SMIM35: variants seen among roughly 807,000 people sequenced by gnomAD.
SMIM35 encodes small integral membrane protein 35.
chr11:118,050,464 A>G (rs745943026), intron 1 of SMIM35, among the ~76,000 whole-genome samples: 5 of 152,182 alleles, frequency 3.3e-5, no homozygotes, highest in Non-Finnish European at 7.4e-5. Context: ...ACTGACACCA[A>G]CCATCAGCTG....
chr11:118,019,040 C>A, intron 1 of SMIM35, among the ~76,000 whole-genome samples: 1 of 152,106 alleles, frequency 6.6e-6, no homozygotes. Flanking sequence ...CAAGTAAATA[C>A]CCTCCCAAAT....
In SMIM35 at chr11:118,003,745, A is replaced by G. The variant is rs184013817; in HGVS notation, c.*2665T>C. ...AGCCCTGGGTACAGAGTGGTGAACCAAACAAGTGTGGCTTCATGGAGCCTG... is the reference window on the plus strand; with the variant it reads ...AGCCCTGGGTACAGAGTGGTGAACCGAACAAGTGTGGCTTCATGGAGCCTG... On this transcript the variant is annotated 3_prime_UTR_variant, in exon 5 of 5. Transcript: ENST00000689828. 3.1e-3 allele frequency: 469 copies of G among 152,394 alleles called. 1 individual carries two copies. The highest frequency in any genetic ancestry group is 5.1e-3 in the Non-Finnish European group (344 of 68,050). The allele number at this position is 152,394 out of a possible 1,614,324, so 9.4% of individuals were successfully genotyped here. A position where few individuals can be genotyped will look rare whatever the true frequency, so the allele number is the denominator to read the frequency against.
rs533317756 is a variant in SMIM35, at chr11:118,042,503, G to A, written c.8-26694C>T. ...CACAAGAAAAACCCAAGCCTAATTA[G>A]CTTTCCCACTGATTCTGCCAAACAT... On this transcript the variant is annotated intron_variant, in intron 1 of 4. Transcript: ENST00000689828. Among the ~76,000 whole-genome samples, 3 of 152,278 alleles carry A rather than the reference G, an allele frequency of 2.0e-5. No homozygotes were observed. The East Asian group carries it at 5.8e-4, about 29-fold the overall frequency.
At chr11:118,031,549 T>G (rs1480446273) in intron 1 of SMIM35, among the ~76,000 whole-genome samples, 1 of 152,152 alleles carries the variant, frequency 6.6e-6, no homozygotes, top group Admixed American at 6.5e-5. Context: ...TATCAAAATT[T>G]GATTTGATAT....
chr11:118,076,841 G>A (rs1591316750), intron 1 of SMIM35, among the ~76,000 whole-genome samples: 2 of 152,070 alleles, frequency 1.3e-5, no homozygotes, highest in South Asian at 2.1e-4. Flanking sequence ...GAGGGGGGGC[G>A]GAAACTTCTG....
At chr11:118,029,312 T>C (rs2058299367) in intron 1 of SMIM35, among the ~76,000 whole-genome samples, 1 of 152,130 alleles carries the variant, frequency 6.6e-6, no homozygotes, top group African/African-American at 2.4e-5. Flanking sequence ...AAAAAGTAGC[T>C]AGGCATGGTG....
chr11:118,057,953 A>G (rs1944340704), intron 1 of SMIM35, among the ~76,000 whole-genome samples: 1 of 152,230 alleles, frequency 6.6e-6, no homozygotes, highest in African/African-American at 2.4e-5. Flanking sequence ...TATCGTTCAA[A>G]GTAAACGATG....
intron 1 of SMIM35, among the ~76,000 whole-genome samples, chr11:118,081,655 A>C (rs968112021): frequency 3.3e-5 from 5 of 152,200 alleles, no homozygotes; most frequent in Admixed American, 2.0e-4. Context: ...AATGTCCTGC[A>C]CATCAGTCTG....
At chr11:118,045,348 A>ACACG (rs1944081436) in intron 1 of SMIM35, among the ~76,000 whole-genome samples, 1 of 151,764 alleles carries the variant, frequency 6.6e-6, no homozygotes, top group African/African-American at 2.4e-5. Flanking sequence ...ACACACACAC[A>ACACG]CACACACACA....
chr11:118,076,509 TG>T (rs139188027), intron 1 of SMIM35, among the ~76,000 whole-genome samples: 7,674 of 152,098 alleles, frequency 0.05, 263 homozygotes, highest in East Asian at 0.19. Context: ...CGAGGAGACG[TG>T]GGCTCTAGCC....
intron 1 of SMIM35, chr11:118,028,957 C>A (rs1238310666): frequency 4.9e-6 from 2 of 404,652 alleles, no homozygotes; most frequent in Non-Finnish European, 9.7e-6. Context: ...AGGAGAAATT[C>A]GTGGCTATGT....
intron 1 of SMIM35, among the ~76,000 whole-genome samples, chr11:118,023,014 T>G (rs1224730401): frequency 2.6e-5 from 4 of 151,166 alleles, no homozygotes; most frequent in African/African-American, 9.7e-5. Context: ...CCCAAAAAGG[T>G]CAAACTGCTT....
Position 118,080,400 on chromosome 11 carries a change from G to T in SMIM35, c.7+6351C>A, listed in dbSNP as rs145007720. On this transcript the variant is annotated intron_variant, in intron 1 of 4. Transcript: ENST00000689828. ...CTGGAGCAAAGACTCCGGCACTCCA[G>T]GTCATGGGAGCTGCACCTGCCGAGG... Among the ~76,000 whole-genome samples the T allele has an allele frequency of 1.4e-4, 22 of 152,322 alleles. No individual in the cohort carries two copies. The East Asian group carries it at 1.7e-3, about 12-fold the overall frequency.
At chr11:118,045,497 C>T (rs1944084420) in intron 1 of SMIM35, among the ~76,000 whole-genome samples, 2 of 152,022 alleles carry the variant, frequency 1.3e-5, no homozygotes, top group African/African-American at 4.8e-5. Flanking sequence ...TAAAAAGAGC[C>T]TTTCAAGTTT....
rs138233093 is a variant in SMIM35, at chr11:118,015,044, G to C, written c.125-303C>G. ...CATGTCTCCATCTATAAAAATGAAG[G>C]CTATAATAATGTCTTCCTCATGTGG... On this transcript the variant is annotated intron_variant, in intron 2 of 4. Transcript: ENST00000689828. Among the ~76,000 whole-genome samples the C allele has an allele frequency of 4.0e-3, 614 of 152,230 alleles. 2 individuals are homozygous for C. The highest frequency in any genetic ancestry group is 0.012 in the African/African-American group (515 of 41,522).
At chr11:118,076,283 A>G (rs1944683877) in intron 1 of SMIM35, among the ~76,000 whole-genome samples, 1 of 151,928 alleles carries the variant, frequency 6.6e-6, no homozygotes, top group South Asian at 2.1e-4. Flanking sequence ...AAAATAAAAT[A>G]CAAAAACACA....
chr11:118,085,504 C>T (rs188459534), intron 1 of SMIM35, among the ~76,000 whole-genome samples: 31 of 152,252 alleles, frequency 2.0e-4, no homozygotes, highest in Non-Finnish European at 4.4e-4. Flanking sequence ...ATTTCCCTCC[C>T]TCTTAAAGTT....
chr11:118,053,047 C>T (rs1249806078), intron 1 of SMIM35, among the ~76,000 whole-genome samples: 3 of 152,138 alleles, frequency 2.0e-5, no homozygotes, highest in East Asian at 3.9e-4. Context: ...GGCTCACACC[C>T]GGAATCCCAG....
At chr11:118,032,018 G>C (rs1355336366) in intron 1 of SMIM35, 1 of 151,932 alleles carries the variant, frequency 6.6e-6, no homozygotes, top group Middle Eastern at 3.4e-3. Flanking sequence ...GGTGGTGCGT[G>C]CCTGTGGTCC....
Sources: allele counts gnomAD v4.1 joint callset (sites outside exome capture counted in the v4.1 genomes callset), GRCh38; gene constraint gnomAD v4.1.1; transcripts MANE v1.5; gene names NCBI Gene and HGNC (gene_info 2026-07-23, HGNC 2026-07-21).